The following SLC6A16 variants were observed in gnomAD, a reference collection of about 807,000 sequenced individuals.
SLC6A16 encodes solute carrier family 6 member 16, also known as orphan sodium- and chloride-dependent neurotransmitter transporter NTT5.
In SLC6A16, 54 loss-of-function variants were observed where a neutral mutation model predicts 65.4. The ratio of observed to expected loss-of-function variants is 0.83; its 90% CI spans 0.66 to 1.04. SLC6A16 has a LOEUF of 1.04. SLC6A16 is among the 50% of genes least tolerant of loss of function. The pLI, the probability that SLC6A16 is intolerant of heterozygous loss-of-function variation, is 0.00. For missense variants in SLC6A16, 816 were observed against 914.0 expected (o/e 0.89, Z 1.38); for synonymous variants, 330 against 346.5 (o/e 0.95, Z 0.53).
chr19:49,306,530 CTTTG>C (rs377349286), intron 7 of SLC6A16, among the ~76,000 whole-genome samples: 34 of 139,522 alleles, frequency 2.4e-4, no homozygotes, highest in African/African-American at 5.0e-4. Context: ...ATCCTTAGTT[CTTTG>C]TTTTTTTTTT....
chr19:49,301,208 C>G (rs181324261), intron 7 of SLC6A16, among the ~76,000 whole-genome samples: 24 of 152,278 alleles, frequency 1.6e-4, no homozygotes, highest in African/African-American at 5.3e-4. Context: ...ATCCCCCGAG[C>G]CAGCACTGCT....
Position 49,311,040 on chromosome 19 carries a change from C to A in SLC6A16, c.308G>T (p.Arg103Leu), listed in dbSNP as rs200422926. 2 of 1,614,188 alleles carry A rather than the reference C, an allele frequency of 1.2e-6. No homozygotes were observed. The highest frequency in any genetic ancestry group is 2.2e-5 in the East Asian group (1 of 44,884). The change falls in exon 2 of 12, where the codon CGT (arginine) becomes CTT (leucine). Residue 103 changes from arginine to leucine, a missense_variant. Transcript: ENST00000335875. ...EKKESEVLLA[R>L]PFWSSKTEYI... ...CTCAGTTTTGCTGGACCAGAACGGA[C>A]GGGCAAGGAGGACCTCACTCTCTTT...
intron 7 of SLC6A16, among the ~76,000 whole-genome samples, chr19:49,307,004 G>A (rs1182277993): frequency 6.9e-6 from 1 of 145,066 alleles, no homozygotes; most frequent in Non-Finnish European, 1.5e-5. Context: ...TCTTAATACA[G>A]GTGATGTTTA....
intron 1 of SLC6A16, among the ~76,000 whole-genome samples, chr19:49,318,256 C>G (rs1433238166): frequency 1.3e-5 from 2 of 152,164 alleles, no homozygotes; most frequent in Admixed American, 1.3e-4. Context: ...AAGAATTACT[C>G]AAGTTTCCAT....
intron 1 of SLC6A16, 65 bp from the exon 2 acceptor site, chr19:49,311,476 A>G (rs1970521930): frequency 1.0e-6 from 1 of 996,034 alleles, no homozygotes; most frequent in African/African-American, 1.6e-5. Context: ...GTTACAAAAC[A>G]ATCCTCAACA....
At chr19:49,315,551 G>C (rs1477820999) in intron 1 of SLC6A16, among the ~76,000 whole-genome samples, 1 of 152,140 alleles carries the variant, frequency 6.6e-6, no homozygotes, top group Non-Finnish European at 1.5e-5. Flanking sequence ...CCAGCCCTTT[G>C]GGAGGCTGAG....
At chr19:49,331,210 T>C in the SLC6A16 span, among the ~76,000 whole-genome samples, 1 of 152,138 alleles carries the variant, frequency 6.6e-6, no homozygotes, top group Non-Finnish European at 1.5e-5. Flanking sequence ...CTGTAGGGTC[T>C]TGCTCTGTCA....
At chr19:49,301,429 T>G (rs977257577) in intron 7 of SLC6A16, among the ~76,000 whole-genome samples, 1 of 152,182 alleles carries the variant, frequency 6.6e-6, no homozygotes, top group African/African-American at 2.4e-5. Context: ...TCAGCCATGC[T>G]GGTGGGAGCC....
At chr19:49,324,759 T>C (rs1423861653) in intron 1 of SLC6A16, among the ~76,000 whole-genome samples, 1 of 152,258 alleles carries the variant, frequency 6.6e-6, no homozygotes, top group Non-Finnish European at 1.5e-5. Context: ...ACTGATGGCT[T>C]TCCCCAAAGG....
chr19:49,339,098 A>T, the SLC6A16 span, among the ~76,000 whole-genome samples: 1 of 152,080 alleles, frequency 6.6e-6, no homozygotes, highest in Non-Finnish European at 1.5e-5. The surrounding 1 kb of genome is among the most constrained non-coding windows in gnomAD (Gnocchi z 4.5). Context: ...GTCTGCAGGA[A>T]GGGCAGGGCC....
the SLC6A16 span, chr19:49,340,233 C>T: frequency 6.2e-7 from 1 of 1,607,398 alleles, no homozygotes; most frequent in Non-Finnish European, 8.5e-7. Flanking sequence ...TCTCTGACCT[C>T]ATCTCCTTTC....
chr19:49,313,457 T>A (rs1970561659), intron 1 of SLC6A16, among the ~76,000 whole-genome samples: 1 of 151,912 alleles, frequency 6.6e-6, no homozygotes, highest in Non-Finnish European at 1.5e-5. Context: ...AAGCCACCAT[T>A]CCCCACTCAC....
intron 1 of SLC6A16, among the ~76,000 whole-genome samples, chr19:49,313,625 C>CA (rs902187308): frequency 0.14 from 6,616 of 47,246 alleles, 707 homozygotes; most frequent in African/African-American, 0.35. Context: ...ACTAAAAATG[C>CA]AAAAAAAAAA....
the SLC6A16 span, chr19:49,338,035 C>G: frequency 2.5e-6 from 4 of 1,613,256 alleles, no homozygotes; most frequent in Middle Eastern, 1.7e-4. This position sits in a 1 kb window ranked among gnomAD's most constrained non-coding sequence, Gnocchi z 5.0. Context: ...TCCAGGTAAG[C>G]CCCCCTCCTC....
intron 1 of SLC6A16, among the ~76,000 whole-genome samples, chr19:49,322,043 G>A (rs1970720145): frequency 6.6e-6 from 1 of 152,076 alleles, no homozygotes; most frequent in South Asian, 2.1e-4. Context: ...AACAAGCGTA[G>A]AATGTCTAAT....
In SLC6A16 at chr19:49,309,012, G is replaced by C; in HGVS notation, c.1093C>G (p.Pro365Ala). 6.2e-7 allele frequency: 1 copy of C among 1,614,208 alleles called. No homozygotes were observed. Among genetic ancestry groups the C allele is most frequent in the Non-Finnish European group, 8.5e-7 (1 of 1,180,040 alleles). The change falls in exon 7 of 12, where the codon CCC becomes GCC. Residue 365 changes from proline (P) to alanine (A), a missense_variant. Physicochemically the swap from Pro to Ala is conservative, Grantham distance 27. Coordinates refer to ENST00000335875, the MANE Select transcript of SLC6A16 (RefSeq NM_014037.3). Reference sequence around the variant, plus strand: ...TCACTGAGACAGTTGTTGGACTGGGGCATGTAGGAGGCTAAGGAGGCAACG... The same window carrying C: ...TCACTGAGACAGTTGTTGGACTGGGCCATGTAGGAGGCTAAGGAGGCAACG... ...GSVASLASYM[P>A]QSNNCLSDAF... is the part of the protein sequence containing the mutation.
At chr19:49,302,326 T>A (rs1221868128) in intron 7 of SLC6A16, among the ~76,000 whole-genome samples, 1 of 151,172 alleles carries the variant, frequency 6.6e-6, no homozygotes, top group Non-Finnish European at 1.5e-5. Context: ...CTGTGGGAGG[T>A]TCACAGCCAC....
chr19:49,325,269 C>A (rs958536976), upstream of SLC6A16: 38 of 984,200 alleles, frequency 3.9e-5, no homozygotes, highest in Admixed American at 6.1e-5. Flanking sequence ...ACAGCTGTAG[C>A]AAACACTGTA....
chr19:49,338,823 A>C, the SLC6A16 span: 1 of 1,614,050 alleles, frequency 6.2e-7, no homozygotes, highest in Non-Finnish European at 8.5e-7. This position sits in a 1 kb window ranked among gnomAD's most constrained non-coding sequence, Gnocchi z 5.0. Flanking sequence ...CAACGACTCC[A>C]CAATCCTAGA....
Sources: gnomAD v4.1 joint callset for allele counts (sites outside exome capture counted in the v4.1 genomes callset) on GRCh38, gnomAD v4.1.1 for gene constraint, Gnocchi (gnomAD v3.1) non-coding constraint, MANE v1.5 for transcripts, NCBI Gene and HGNC (gene_info 2026-07-23, HGNC 2026-07-21) for gene names.